ZFHX3: variants seen among roughly 807,000 people sequenced by gnomAD.
ZFHX3 encodes the protein zinc finger homeobox 3.
Under a neutral mutation model 279.1 loss-of-function variants are expected in ZFHX3, and 42 were observed. The ratio of observed to expected loss-of-function variants is 0.15; its 90% CI spans 0.12 to 0.19. ZFHX3 has a LOEUF of 0.19. Ranked by LOEUF, ZFHX3 falls within the 10% of genes least tolerant of loss-of-function variation. The pLI is 1.00. For missense variants in ZFHX3, 4,981 were observed against 4,754.0 expected, an observed-to-expected ratio of 1.05 and a Z score of -1.40; for synonymous variants, 2,293 against 1,957.8, an observed-to-expected ratio of 1.17 and a Z score of -4.52.
At chr16:73,095,694 T>C (rs1226623531) in intron 7 of ZFHX3, among the ~76,000 whole-genome samples, 1 of 152,268 alleles carries the variant, frequency 6.6e-6, no homozygotes, top group East Asian at 1.9e-4. Context: ...TCATAAACAT[T>C]GGCCTGATGC....
intron 3 of ZFHX3, among the ~76,000 whole-genome samples, chr16:73,337,982 A>G (rs1453903894): frequency 2.7e-5 from 4 of 149,836 alleles, no homozygotes; most frequent in Non-Finnish European, 4.4e-5. Flanking sequence ...CAGGGTTCAT[A>G]ACTAAAACTA....
At position 72,788,240 on chromosome 16, in the gene ZFHX3, G is replaced by A; in HGVS notation, c.10036C>T (p.Pro3346Ser). 1 of 1,614,178 alleles carries A rather than the reference G, an allele frequency of 6.2e-7. No individual in the cohort carries two copies. The highest frequency in any genetic ancestry group is 1.3e-5 in the African/African-American group (1 of 75,072). ...CCCATCAGGGCCTGCGACAGTGCAG[G>A]GCTGTAGGGGAACAGGCCTTCCATG... Reference protein sequence around the residue: ...YGMEGLFPYSPALSQALMGLS... With the variant: ...YGMEGLFPYSSALSQALMGLS... The change falls in exon 10 of 10, where the codon CCT becomes TCT. Residue 3346 changes from proline (P) to serine (S), a missense_variant. By Grantham distance (74) the Pro-to-Ser change is moderately conservative. Around this residue, in one of 7 missense-constraint regions of ZFHX3, gnomAD observed 1,034 missense variants for 786.0 expected, o/e 1.32. Transcript: ENST00000268489.
At chr16:73,741,142 TGCCTCA>T (rs1231448185) in intron 1 of ZFHX3, among the ~76,000 whole-genome samples, 2 of 150,832 alleles carry the variant, frequency 1.3e-5, no homozygotes, top group African/African-American at 4.9e-5. Flanking sequence ...ATCAATTCTC[TGCCTCA>T]GCCTCCTGAG....
At chr16:73,186,250 C>G (rs1326361430) in intron 5 of ZFHX3, among the ~76,000 whole-genome samples, 1 of 152,162 alleles carries the variant, frequency 6.6e-6, no homozygotes, top group Non-Finnish European at 1.5e-5. Flanking sequence ...CATGCCCCCT[C>G]ACCATCTGTG....
intron 5 of ZFHX3, among the ~76,000 whole-genome samples, chr16:73,244,022 C>T (rs1567428466): frequency 6.6e-6 from 1 of 152,076 alleles, no homozygotes; most frequent in Non-Finnish European, 1.5e-5. Flanking sequence ...TGGCCAGGAG[C>T]CCTTGGGGAT....
chr16:73,040,141 T>A (rs1293631429), intron 1 of ZFHX3, among the ~76,000 whole-genome samples: 1 of 151,968 alleles, frequency 6.6e-6, no homozygotes, highest in Non-Finnish European at 1.5e-5. Flanking sequence ...GAGTCTGAAC[T>A]GGGGGAGTCA....
chr16:73,772,967 T>C (rs1392254118), intron 1 of ZFHX3, among the ~76,000 whole-genome samples: 2 of 152,210 alleles, frequency 1.3e-5, no homozygotes, highest in Admixed American at 6.5e-5. Context: ...GCATTTGTTT[T>C]TGGTCTCAGC....
chr16:73,608,201 C>A (rs2052210318), intron 2 of ZFHX3, among the ~76,000 whole-genome samples: 1 of 152,206 alleles, frequency 6.6e-6, no homozygotes, highest in Non-Finnish European at 1.5e-5. Context: ...TGGCTTTAAG[C>A]CCCAGAGCAC....
At chr16:73,368,414 A>G (rs1169316870) in intron 3 of ZFHX3, among the ~76,000 whole-genome samples, 1 of 152,142 alleles carries the variant, frequency 6.6e-6, no homozygotes, top group Non-Finnish European at 1.5e-5. Flanking sequence ...GTGTGAATTC[A>G]GTTGCTGTGG....
intron 4 of ZFHX3, among the ~76,000 whole-genome samples, chr16:73,311,437 AT>A (rs1322073114): frequency 1.1e-5 from 1 of 88,544 alleles, no homozygotes; most frequent in Non-Finnish European, 2.3e-5. Flanking sequence ...TCTACTAAAA[AT>A]ACAAAAATTA....
At chr16:73,682,189 T>C (rs2053017464) in intron 1 of ZFHX3, among the ~76,000 whole-genome samples, 1 of 152,242 alleles carries the variant, frequency 6.6e-6, no homozygotes, top group Non-Finnish European at 1.5e-5. Context: ...AGGTAATATT[T>C]GGAAATTGTT....
chr16:73,565,184 G>A (rs1390988548), intron 2 of ZFHX3, among the ~76,000 whole-genome samples: 1 of 151,994 alleles, frequency 6.6e-6, no homozygotes, highest in Non-Finnish European at 1.5e-5. Flanking sequence ...AACTCAGGAG[G>A]TGGAAGCTGC....
intron 1 of ZFHX3, among the ~76,000 whole-genome samples, chr16:73,790,320 A>G (rs768781425): frequency 6.6e-6 from 1 of 151,660 alleles, no homozygotes; most frequent in Non-Finnish European, 1.5e-5. Context: ...GTGGCACTAG[A>G]TACAGTTGTC....
intron 2 of ZFHX3, among the ~76,000 whole-genome samples, chr16:73,553,877 G>C (rs1007167155): frequency 6.6e-6 from 1 of 152,162 alleles, no homozygotes; most frequent in Non-Finnish European, 1.5e-5. Context: ...TCTGTTCATT[G>C]TATTTCATCA....
chr16:73,260,090 T>TC (rs1193020894), intron 4 of ZFHX3, among the ~76,000 whole-genome samples: 1 of 152,228 alleles, frequency 6.6e-6, no homozygotes, highest in Non-Finnish European at 1.5e-5. Flanking sequence ...GTCCTTTTTT[T>TC]CTCTTTCAGG....
At chr16:72,838,252 T>G (rs2037249219) in intron 4 of ZFHX3, among the ~76,000 whole-genome samples, 1 of 152,216 alleles carries the variant, frequency 6.6e-6, no homozygotes, top group South Asian at 2.1e-4. Flanking sequence ...AGAGACCATT[T>G]ATGCTTTTGT....
chr16:73,691,288 C>T (rs985043677), intron 1 of ZFHX3, among the ~76,000 whole-genome samples: 1 of 152,136 alleles, frequency 6.6e-6, no homozygotes, highest in Non-Finnish European at 1.5e-5. Flanking sequence ...GCACACTCTT[C>T]CTCTACAACG....
At chr16:72,925,368 T>C (rs1489322897) in intron 3 of ZFHX3, among the ~76,000 whole-genome samples, 1 of 152,200 alleles carries the variant, frequency 6.6e-6, no homozygotes, top group Non-Finnish European at 1.5e-5. Flanking sequence ...AAACACAAAG[T>C]TCAACACAAA....
intron 4 of ZFHX3, among the ~76,000 whole-genome samples, chr16:72,865,973 C>G (rs1328196323): frequency 2.0e-5 from 3 of 152,158 alleles, no homozygotes; most frequent in African/African-American, 7.2e-5. Flanking sequence ...CGGGGCTTCT[C>G]TGAGCTCAAC....
Sources: allele counts gnomAD v4.1 joint callset (sites outside exome capture counted in the v4.1 genomes callset), GRCh38; gene constraint gnomAD v4.1.1; regional missense constraint gnomAD v4.1.1; transcripts MANE v1.5; gene names NCBI Gene and HGNC (gene_info 2026-07-23, HGNC 2026-07-21).